Variants in TRIT1 observed in about 807,000 individuals in gnomAD.
TRIT1 encodes the protein tRNA isopentenyltransferase 1.
In TRIT1, 43 loss-of-function variants were observed where a neutral mutation model predicts 51.2. The observed-to-expected ratio is 0.84, with a 90% confidence interval of 0.66 to 1.08. The LOEUF is 1.08. Among genes scored for constraint, TRIT1 ranks in the 50% least tolerant of loss-of-function variants. TRIT1 has a pLI of 0.00. For synonymous variants in TRIT1, 184 were observed against 203.9 expected (o/e 0.90, Z 0.83); for missense variants, 528 against 578.4 (o/e 0.91, Z 0.89).
intron 1 of TRIT1, among the ~76,000 whole-genome samples, chr1:39,872,780 C>CACACACACACACACACACACACACACAG (rs796230029): frequency 1.9e-5 from 2 of 106,130 alleles, no homozygotes; most frequent in African/African-American, 7.1e-5. Context: ...CACACACACA[C>CACACACACACACACACACACACACACAG]AGAGAGAGAG....
rs146903095 is a variant in TRIT1 at position 39,853,107 on chromosome 1, T to C, written c.415-231A>G. Reference sequence around the variant, plus strand: ...GGAAACACCTGGCTATTTGCTTCCCTGTCAGAAGTTCAAACAGGTACCAGG... The same window carrying C: ...GGAAACACCTGGCTATTTGCTTCCCCGTCAGAAGTTCAAACAGGTACCAGG... On this transcript the variant is annotated intron_variant, in intron 3 of 10. Transcript: ENST00000316891. Among the ~76,000 whole-genome samples, 4 of 152,312 alleles carry C rather than the reference T, an allele frequency of 2.6e-5. No individual in the cohort carries two copies. In the East Asian group the frequency reaches 7.7e-4, roughly 29 times the overall value.
chr1:39,864,722 A>C (rs16826632), intron 1 of TRIT1, among the ~76,000 whole-genome samples: 3,251 of 152,216 alleles, frequency 0.021, 70 homozygotes, highest in East Asian at 0.11. Context: ...GTACAGCCAA[A>C]GATCCCATCC....
chr1:39,844,060 C>A (rs1642075476), intron 10 of TRIT1, 41 bp downstream of exon 10: 4 of 1,430,292 alleles, frequency 2.8e-6, no homozygotes, highest in Non-Finnish European at 3.9e-6. Context: ...CAATGTGAAC[C>A]CACCCTTATA....
At chr1:39,843,248 CCATGCAAAA>C (rs995985925) in intron 10 of TRIT1, among the ~76,000 whole-genome samples, 8 of 152,118 alleles carry the variant, frequency 5.3e-5, no homozygotes, top group Non-Finnish European at 1.5e-5. Context: ...TCTGAGAATC[CCATGCAAAA>C]CAGTACTCTG....
In TRIT1 at chr1:39,848,102, A is replaced by T. The variant is rs1170895344; in HGVS notation, c.704-5T>A. The T allele has an allele frequency of 6.2e-7, 1 of 1,612,874 alleles. No homozygotes were observed. The highest frequency in any genetic ancestry group is 1.7e-5 in the Admixed American group (1 of 60,016). On this transcript the variant is annotated splice_region_variant and splice_polypyrimidine_tract_variant and intron_variant, in intron 5 of 10. Transcript: ENST00000316891. ...TATCCAAGCGCTCATCTAGAACTTG[A>T]ATCAAATTAGCCCATCAACCAGCAA...
At chr1:39,856,201 G>A (rs559758213) in intron 2 of TRIT1, among the ~76,000 whole-genome samples, 2 of 152,238 alleles carry the variant, frequency 1.3e-5, no homozygotes, top group East Asian at 3.9e-4. Flanking sequence ...AGCTACTCAG[G>A]AGGATGAGGC....
rs146989823 is a variant in TRIT1, at chr1:39,883,439, C to A, written c.53G>T (p.Gly18Val). 4.1e-4 allele frequency: 668 copies of A among 1,610,932 alleles called. 3 individuals carry two copies. In the South Asian group the frequency reaches 6.8e-3, roughly 16 times the overall value. Residue 18 changes from glycine to valine, a missense_variant, in exon 1 of 11, where the codon GGC becomes GTC. This residue lies in a region of TRIT1 where 55 missense variants were observed against 37.0 expected (regional missense o/e 1.49). Transcript: ENST00000316891. ...TACAAGAGGTAGGGTCCGTTGCAGG[C>A]CCCTGAGCCCACTGCCCACGGGAAC... ...RAVPVGSGLR[G>V]LQRTLPLVVI...
intron 1 of TRIT1, among the ~76,000 whole-genome samples, chr1:39,875,314 C>T (rs1644014218): frequency 6.6e-6 from 1 of 152,000 alleles, no homozygotes; most frequent in African/African-American, 2.4e-5. Flanking sequence ...ATGGTGAAAC[C>T]CTGTCTCTAC....
At chr1:39,853,552 T>C (rs1642713716) in intron 3 of TRIT1, among the ~76,000 whole-genome samples, 2 of 151,798 alleles carry the variant, frequency 1.3e-5, no homozygotes, top group South Asian at 4.2e-4. Flanking sequence ...CGTGCCACCA[T>C]GCCTGGCTAA....
At position 39,847,030 on chromosome 1, in the gene TRIT1, AT is replaced by A. The variant is rs11285784; in HGVS notation, c.1006+189del. On this transcript the variant is annotated intron_variant, in intron 8 of 10. Transcript: ENST00000316891. ...GAAGGCAGACTCCTCAATGCAAATA[AT>A]TTTTTTTTTTTTTGTGACATCCCAA... 63,220 of 453,748 alleles carry A rather than the reference AT, an allele frequency of 0.14. 810 individuals are homozygous for A. The highest frequency in any genetic ancestry group is 0.29 in the East Asian group (7,890 of 27,312). The allele number at this position is 453,748 out of a possible 1,614,324, so 28.1% of individuals were successfully genotyped here.
chr1:39,880,189 A>ACAG (rs1299511357), intron 1 of TRIT1, among the ~76,000 whole-genome samples: 1 of 149,266 alleles, frequency 6.7e-6, no homozygotes, highest in African/African-American at 2.5e-5. Context: ...AACAACAACA[A>ACAG]CAACAAAAAC....
At position 39,850,390 on chromosome 1, in the gene TRIT1, A is replaced by G. The variant is rs1398194554; in HGVS notation, c.561-129T>C. On this transcript the variant is annotated intron_variant, in intron 4 of 10. Coordinates refer to ENST00000316891, the MANE Select transcript of TRIT1 (RefSeq NM_017646.6). ...CTCTTTCTTGAAAGCCAGTCACGACAGTGTGCACATCTGTAGTCCCAGCTA... is the reference window on the plus strand; with the variant it reads ...CTCTTTCTTGAAAGCCAGTCACGACGGTGTGCACATCTGTAGTCCCAGCTA... 4 of 1,223,650 alleles carry G rather than the reference A, an allele frequency of 3.3e-6. No individual in the cohort carries two copies. The Admixed American group carries it at 9.6e-5, about 29-fold the overall frequency. 75.8% of individuals were successfully genotyped at this position (1,223,650 alleles called of 1,614,324 possible). A position where few individuals can be genotyped will look rare whatever the true frequency, so the allele number is the denominator to read the frequency against.
intron 1 of TRIT1, among the ~76,000 whole-genome samples, chr1:39,869,015 G>A (rs1457485784): frequency 3.3e-5 from 5 of 152,122 alleles, no homozygotes; most frequent in Admixed American, 2.0e-4. Context: ...AGCCGAGATC[G>A]TGCCACTGCA....
At chr1:39,852,942 A>C in intron 3 of TRIT1, 66 bp from the exon 4 acceptor site, 1 of 1,530,360 alleles carries the variant, frequency 6.5e-7, no homozygotes, top group Non-Finnish European at 8.9e-7. Flanking sequence ...TGTGCCAGGC[A>C]CTTTGCTAAC....
At chr1:39,872,135 T>C (rs1372087838) in intron 1 of TRIT1, among the ~76,000 whole-genome samples, 3 of 144,006 alleles carry the variant, frequency 2.1e-5, no homozygotes, top group African/African-American at 7.9e-5. Context: ...GATCTCAAAC[T>C]TCTAGGCTCA....
chr1:39,860,441 T>C (rs1022197611), intron 1 of TRIT1, among the ~76,000 whole-genome samples: 1 of 152,228 alleles, frequency 6.6e-6, no homozygotes, highest in African/African-American at 2.4e-5. Context: ...AAACGCTCAC[T>C]GGAGTATTTT....
intron 1 of TRIT1, among the ~76,000 whole-genome samples, chr1:39,877,390 C>T (rs1644106620): frequency 6.8e-6 from 1 of 147,474 alleles, no homozygotes; most frequent in Admixed American, 6.8e-5. Flanking sequence ...CGAGATGACA[C>T]ATATTCTGCT....
intron 10 of TRIT1, among the ~76,000 whole-genome samples, chr1:39,843,603 T>C (rs1642051535): frequency 6.6e-6 from 1 of 152,210 alleles, no homozygotes; most frequent in Non-Finnish European, 1.5e-5. Flanking sequence ...CAACTACCAC[T>C]ATGCCAACAA....
chr1:39,851,472 T>G (rs1642566608), intron 4 of TRIT1, among the ~76,000 whole-genome samples: 1 of 152,218 alleles, frequency 6.6e-6, no homozygotes, highest in Non-Finnish European at 1.5e-5. Context: ...TAAAAAAAAT[T>G]GAATGTTTTC....
Sources: gnomAD v4.1 joint callset for allele counts (sites outside exome capture counted in the v4.1 genomes callset) on GRCh38, gnomAD v4.1.1 for gene constraint, gnomAD v4.1.1 regional missense constraint, MANE v1.5 for transcripts, NCBI Gene and HGNC (gene_info 2026-07-23, HGNC 2026-07-21) for gene names.